RPAP2: variants seen among roughly 807,000 people sequenced by gnomAD.
The protein encoded by RPAP2 is RNA polymerase II associated protein 2, also known as putative RNA polymerase II subunit B1 CTD phosphatase RPAP2.
Under a neutral mutation model 73.1 loss-of-function variants are expected in RPAP2, and 52 were observed. The ratio of observed to expected loss-of-function variants is 0.71; its 90% confidence interval spans 0.57 to 0.90. The LOEUF (loss-of-function observed/expected upper bound fraction) is 0.90, where lower values mean the gene tolerates loss of function less well. Among genes scored for constraint, RPAP2 ranks in the 40% least tolerant of loss-of-function variants. The probability of loss-of-function intolerance (pLI) is 0.00; values close to 1 mark genes in which losing one functional copy is unlikely to be tolerated. For missense variants in RPAP2, 598 were observed against 701.8 expected, an observed-to-expected ratio of 0.85 and a Z score of 1.67; for synonymous variants, 225 against 242.1, an observed-to-expected ratio of 0.93 and a Z score of 0.65.
chr1:92,367,929 T>C (rs765390626), intron 11 of RPAP2, among the ~76,000 whole-genome samples: 1 of 152,216 alleles, frequency 6.6e-6, no homozygotes, highest in Non-Finnish European at 1.5e-5. Flanking sequence ...ATTACTTCTG[T>C]CCAGTTTTGA....
At chr1:92,311,746 A>C (rs1391344127) in intron 6 of RPAP2, among the ~76,000 whole-genome samples, 2 of 152,164 alleles carry the variant, frequency 1.3e-5, no homozygotes, top group African/African-American at 4.8e-5. Context: ...GCAATCATGG[A>C]TTTTGTTTCC....
At chr1:92,328,787 G>T (rs1652791023) in intron 8 of RPAP2, among the ~76,000 whole-genome samples, 2 of 152,186 alleles carry the variant, frequency 1.3e-5, no homozygotes, top group African/African-American at 4.8e-5. Context: ...TGAGAAGGAA[G>T]ATCTGGGACT....
intron 4 of RPAP2, 73 bp from the exon 5 acceptor site, chr1:92,304,211 G>A: frequency 3.4e-6 from 4 of 1,175,622 alleles, no homozygotes; most frequent in Non-Finnish European, 5.0e-6. Context: ...ATATGTAGAT[G>A]ACTTAATCTT....
intron 6 of RPAP2, among the ~76,000 whole-genome samples, chr1:92,318,469 T>C (rs1029181661): frequency 2.6e-4 from 40 of 152,322 alleles, no homozygotes; most frequent in African/African-American, 9.1e-4. Context: ...CTGTTCTCTC[T>C]ACTATGTTTT....
intron 6 of RPAP2, among the ~76,000 whole-genome samples, chr1:92,309,214 G>C (rs961465409): frequency 1.3e-5 from 2 of 152,118 alleles, no homozygotes; most frequent in Admixed American, 6.6e-5. Flanking sequence ...GAGGCCGAGG[G>C]GGGCAGATCA....
chr1:92,301,993 A>C (rs191169360), intron 3 of RPAP2, among the ~76,000 whole-genome samples: 58 of 152,338 alleles, frequency 3.8e-4, no homozygotes, highest in African/African-American at 1.3e-3. Flanking sequence ...GTCAATTAAA[A>C]AGCAAAAGAG....
At chr1:92,344,718 G>T (rs948749422) in intron 10 of RPAP2, among the ~76,000 whole-genome samples, 51 of 152,104 alleles carry the variant, frequency 3.4e-4, no homozygotes, top group African/African-American at 1.2e-3. Flanking sequence ...TGTGTTAAAG[G>T]CACTATTTCT....
chr1:92,335,157 A>G (rs1218025990), intron 9 of RPAP2, among the ~76,000 whole-genome samples: 1 of 152,036 alleles, frequency 6.6e-6, no homozygotes, highest in African/African-American at 2.4e-5. Flanking sequence ...TCCCACCAAC[A>G]CTGTATGAGG....
At chr1:92,321,405 C>T (rs933425761) in intron 7 of RPAP2, among the ~76,000 whole-genome samples, 1 of 152,110 alleles carries the variant, frequency 6.6e-6, no homozygotes, top group East Asian at 1.9e-4. Context: ...GTATCTAAGA[C>T]TAAACTAACT....
intron 5 of RPAP2, among the ~76,000 whole-genome samples, chr1:92,304,675 G>A (rs1651081954): frequency 6.6e-6 from 1 of 152,200 alleles, no homozygotes; most frequent in South Asian, 2.1e-4. Flanking sequence ...CTTGATATAT[G>A]ACAGCGGGAG....
intron 10 of RPAP2, among the ~76,000 whole-genome samples, chr1:92,344,526 AT>A (rs1653775615): frequency 6.6e-6 from 1 of 152,108 alleles, no homozygotes; most frequent in Non-Finnish European, 1.5e-5. Flanking sequence ...GCCACAGTTT[AT>A]TTTTCTATTA....
At chr1:92,330,704 A>C (rs1173740377) in intron 8 of RPAP2, among the ~76,000 whole-genome samples, 8 of 152,042 alleles carry the variant, frequency 5.3e-5, no homozygotes. Context: ...TGCCTGCCTC[A>C]GCCTCCCAAA....
intron 7 of RPAP2, among the ~76,000 whole-genome samples, chr1:92,321,460 T>C (rs1652255237): frequency 2.0e-5 from 3 of 152,020 alleles, no homozygotes; most frequent in South Asian, 4.1e-4. Context: ...TGCTTTCAAC[T>C]TTTATATATA....
chr1:92,381,826 T>C (rs1294673026), intron 12 of RPAP2, among the ~76,000 whole-genome samples: 1 of 152,026 alleles, frequency 6.6e-6, no homozygotes, highest in Non-Finnish European at 1.5e-5. Flanking sequence ...ATGTGCAGGT[T>C]TGCTACATAT....
intron 11 of RPAP2, among the ~76,000 whole-genome samples, chr1:92,380,095 T>A (rs1329008912): frequency 1.3e-5 from 2 of 150,908 alleles, no homozygotes; most frequent in African/African-American, 4.9e-5. Flanking sequence ...CTGGCCAACA[T>A]GGTGAAACCC....
chr1:92,336,291 A>G (rs1227406099), intron 9 of RPAP2, 56 bp from the exon 10 acceptor site: 2 of 1,254,342 alleles, frequency 1.6e-6, no homozygotes, highest in East Asian at 2.5e-5. Context: ...GGCATGACCC[A>G]AAAAAAGTTT....
At chr1:92,359,488 T>G (rs907018507) in intron 11 of RPAP2, among the ~76,000 whole-genome samples, 1 of 152,096 alleles carries the variant, frequency 6.6e-6, no homozygotes, top group African/African-American at 2.4e-5. Context: ...CCCGTCTAAT[T>G]TTTGTATTTT....
chr1:92,381,405 C>T (rs963490329), intron 12 of RPAP2, among the ~76,000 whole-genome samples: 1 of 152,166 alleles, frequency 6.6e-6, no homozygotes, highest in South Asian at 2.1e-4. Context: ...AAACCCTTCC[C>T]TCTTTCAGAA....
chr1:92,378,258 GC>G (rs1342792551), intron 11 of RPAP2, among the ~76,000 whole-genome samples: 9 of 152,182 alleles, frequency 5.9e-5, no homozygotes, highest in African/African-American at 2.2e-4. Flanking sequence ...AGGCTGGAGT[GC>G]AGCGGTGTGA....
Sources: gnomAD v4.1 joint callset for allele counts (sites outside exome capture counted in the v4.1 genomes callset) on GRCh38, gnomAD v4.1.1 for gene constraint, MANE v1.5 for transcripts, NCBI Gene and HGNC (gene_info 2026-07-23, HGNC 2026-07-21) for gene names.